Variants in RARB observed in about 807,000 individuals in gnomAD.
RARB encodes retinoic acid receptor beta.
RARB carries 17 observed loss-of-function variants against 51.9 expected under a neutral mutation model. The observed-to-expected ratio is 0.33, with a 90% CI of 0.22 to 0.49. The LOEUF (loss-of-function observed/expected upper bound fraction) is 0.49. Among genes scored for constraint, RARB ranks in the 20% least tolerant of loss-of-function variants. The pLI is 0.99. For missense variants in RARB, 369 were observed against 550.8 expected (o/e 0.67, Z 3.30); for synonymous variants, 215 against 195.4 (o/e 1.10, Z -0.84).
At chr3:24,852,782 G>C (rs567844284) in intron 1 of RARB, among the ~76,000 whole-genome samples, 1 of 152,256 alleles carries the variant, frequency 6.6e-6, no homozygotes, top group Non-Finnish European at 1.5e-5. Flanking sequence ...CATTTATATG[G>C]AATTCTCAAA....
chr3:25,522,704 T>C (rs1337950325), intron 3 of RARB, among the ~76,000 whole-genome samples: 3 of 152,152 alleles, frequency 2.0e-5, no homozygotes, highest in African/African-American at 7.2e-5. Context: ...CAGAATTTCA[T>C]TCTGGAAGCA....
chr3:25,319,588 C>T (rs1395941043), intron 5 of RARB, among the ~76,000 whole-genome samples: 1 of 152,174 alleles, frequency 6.6e-6, no homozygotes, highest in Admixed American at 6.5e-5. Context: ...GAATGAGGGT[C>T]TTTTCCTCAC....
chr3:25,089,020 TTGAG>T (rs1372795947), intron 3 of RARB, among the ~76,000 whole-genome samples: 4 of 151,184 alleles, frequency 2.6e-5, no homozygotes, highest in African/African-American at 9.7e-5. Flanking sequence ...GTTTTACTAA[TTGAG>T]TAAGAGTCTG....
At chr3:25,070,571 C>A (rs759568515) in intron 3 of RARB, among the ~76,000 whole-genome samples, 1 of 152,094 alleles carries the variant, frequency 6.6e-6, no homozygotes, top group Non-Finnish European at 1.5e-5. Flanking sequence ...AATTATAGTA[C>A]TTACAATATA....
chr3:25,106,717 AC>A (rs1355267658), intron 3 of RARB, among the ~76,000 whole-genome samples: 2 of 151,116 alleles, frequency 1.3e-5, no homozygotes, highest in Non-Finnish European at 2.9e-5. Context: ...ACACTTTCCT[AC>A]TTTCTTAAGC....
chr3:24,840,742 T>TAAAAAAAAAAAAAAAAAAAAAAA (rs55771334), intron 1 of RARB, among the ~76,000 whole-genome samples: 1 of 70,342 alleles, frequency 1.4e-5, no homozygotes, highest in African/African-American at 5.5e-5. Flanking sequence ...TGAGTAAGAG[T>TAAAAAAAAAAAAAAAAAAAAAAA]AAAAAAAAAA....
chr3:25,325,240 A>G (rs574036246), intron 5 of RARB, among the ~76,000 whole-genome samples: 2 of 152,152 alleles, frequency 1.3e-5, no homozygotes, highest in East Asian at 1.9e-4. Context: ...TGCTGGTGGG[A>G]GTGTCTCTCA....
intron 3 of RARB, among the ~76,000 whole-genome samples, chr3:25,520,190 G>T (rs1412028516): frequency 1.3e-5 from 2 of 152,100 alleles, no homozygotes; most frequent in African/African-American, 4.8e-5. Context: ...AAAAAGTTTT[G>T]CCAACCCTTG....
At chr3:25,418,143 G>A (rs1252065828) in intron 5 of RARB, among the ~76,000 whole-genome samples, 1 of 152,212 alleles carries the variant, frequency 6.6e-6, no homozygotes, top group Non-Finnish European at 1.5e-5. Flanking sequence ...TAGCTGCGAA[G>A]GAGGCTGGGA....
At chr3:25,079,842 C>T (rs1337303536) in intron 3 of RARB, among the ~76,000 whole-genome samples, 4 of 152,030 alleles carry the variant, frequency 2.6e-5, no homozygotes, top group African/African-American at 7.2e-5. Context: ...TTCTTGTAAG[C>T]TTCTTGTTTA....
chr3:24,955,167 C>T (rs1349980842), intron 2 of RARB, among the ~76,000 whole-genome samples: 3 of 152,108 alleles, frequency 2.0e-5, no homozygotes, highest in South Asian at 2.1e-4. Flanking sequence ...AAGTGGCTCT[C>T]AGCAGAAGGG....
chr3:25,137,071 C>CT (rs1397957895), intron 4 of RARB, among the ~76,000 whole-genome samples: 1 of 152,026 alleles, frequency 6.6e-6, no homozygotes, highest in African/African-American at 2.4e-5. Context: ...TCAAACACTG[C>CT]TTTGAGATGA....
intron 3 of RARB, among the ~76,000 whole-genome samples, chr3:25,085,965 G>A (rs1483033573): frequency 6.6e-6 from 1 of 152,160 alleles, no homozygotes; most frequent in Admixed American, 6.6e-5. Context: ...GATCTAGGTT[G>A]GAAGAAGTTC....
intron 5 of RARB, among the ~76,000 whole-genome samples, chr3:25,342,835 A>C (rs1705270497): frequency 6.6e-6 from 1 of 152,150 alleles, no homozygotes; most frequent in Non-Finnish European, 1.5e-5. Context: ...TCTCATCTGA[A>C]GTACAAAGAA....
intron 5 of RARB, among the ~76,000 whole-genome samples, chr3:25,583,543 G>A (rs1688396299): frequency 6.6e-6 from 1 of 152,262 alleles, no homozygotes; most frequent in African/African-American, 2.4e-5. Context: ...ACAGGAAGAT[G>A]CGGTCAGCTG....
At chr3:24,836,563 C>G (rs1702348303) in intron 1 of RARB, among the ~76,000 whole-genome samples, 1 of 152,162 alleles carries the variant, frequency 6.6e-6, no homozygotes, top group Admixed American at 6.5e-5. Flanking sequence ...AAATGGCTTC[C>G]CATCTCACTC....
chr3:25,335,547 C>T (rs1401084827), intron 5 of RARB, among the ~76,000 whole-genome samples: 3 of 152,152 alleles, frequency 2.0e-5, no homozygotes, highest in Non-Finnish European at 4.4e-5. Context: ...CTCTTGGCTT[C>T]CCCAGTTCCA....
At chr3:25,061,122 C>A (rs959787648) in intron 3 of RARB, among the ~76,000 whole-genome samples, 1 of 151,778 alleles carries the variant, frequency 6.6e-6, no homozygotes, top group Admixed American at 6.6e-5. Context: ...TGGCCTGGAA[C>A]TTTTGCAATG....
chr3:25,235,373 G>T (rs1324383368), intron 5 of RARB, among the ~76,000 whole-genome samples: 7 of 152,140 alleles, frequency 4.6e-5, no homozygotes, highest in African/African-American at 9.6e-5. Context: ...GCTTCTGGAA[G>T]TTGGGATTAG....
Sources: gnomAD v4.1 joint callset for allele counts (sites outside exome capture counted in the v4.1 genomes callset) on GRCh38, gnomAD v4.1.1 for gene constraint, MANE v1.5 for transcripts, NCBI Gene and HGNC (gene_info 2026-07-23, HGNC 2026-07-21) for gene names.